The following MNAT1 variants were observed in gnomAD, a reference collection of about 807,000 sequenced individuals.
MNAT1 encodes the protein MNAT1 component of CDK activating kinase.
MNAT1 carries 43 observed loss-of-function variants against 42.0 expected under a neutral mutation model. The ratio of observed to expected loss-of-function variants is 1.02; its 90% confidence interval spans 0.80 to 1.32. The LOEUF is 1.32. Among genes scored for constraint, MNAT1 ranks in the 40% most tolerant of loss-of-function variants. The probability of loss-of-function intolerance (pLI) is 0.00; values close to 1 mark genes in which losing one functional copy is unlikely to be tolerated. For missense variants in MNAT1, 306 were observed against 350.4 expected (o/e 0.87, Z 1.01); for synonymous variants, 118 against 120.0 (o/e 0.98, Z 0.11).
At chr14:60,933,134 C>A (rs2035922730) in intron 7 of MNAT1, among the ~76,000 whole-genome samples, 1 of 151,824 alleles carries the variant, frequency 6.6e-6, no homozygotes, top group South Asian at 2.1e-4. Context: ...ATGGAAGAGC[C>A]TAGAATACTG....
intron 7 of MNAT1, among the ~76,000 whole-genome samples, chr14:60,967,946 T>C (rs2036712534): frequency 6.6e-6 from 1 of 152,136 alleles, no homozygotes; most frequent in Non-Finnish European, 1.5e-5. Context: ...GCTCTGAAAA[T>C]CGTGAAGCAG....
At chr14:60,735,546 C>A (rs1032805505) in intron 1 of MNAT1, among the ~76,000 whole-genome samples, 1 of 152,168 alleles carries the variant, frequency 6.6e-6, no homozygotes, top group Non-Finnish European at 1.5e-5. Context: ...GTGTTCTAAG[C>A]GCCTTACCAT....
chr14:60,836,913 G>A lies in MNAT1; in HGVS notation c.687+18066G>A, dbSNP rs984936753. 3.9e-5 allele frequency among the ~76,000 whole-genome samples: 6 copies of A among 152,202 alleles called. 1 individual carries two copies. Among genetic ancestry groups the A allele is most frequent in the Admixed American group, 3.3e-4 (5 of 15,294 alleles). On this transcript the variant is annotated intron_variant, in intron 6 of 7. Transcript: ENST00000261245. ...CTATAAGCCCCTTACTGGGGCTGCT[G>A]CCTTTCTTTCAGAGATACCCTGCCA...
At chr14:60,809,428 C>T (rs2032477162) in intron 4 of MNAT1, among the ~76,000 whole-genome samples, 1 of 151,998 alleles carries the variant, frequency 6.6e-6, no homozygotes, top group Non-Finnish European at 1.5e-5. Flanking sequence ...CTGAGAGCAT[C>T]AGTATGTCAT....
rs1181549539 is a variant in MNAT1, at chr14:60,887,751, A to C, written c.809+7916A>C. Among the ~76,000 whole-genome samples the C allele has an allele frequency of 2.6e-5, 4 of 152,082 alleles. No homozygotes were observed. The East Asian group carries it at 7.7e-4, about 29-fold the overall frequency. ...GAAGAATCAAATAGATGCAATAAAA[A>C]ATGATAAAGGGGATATCACCACCAA... is the stretch of plus-strand genomic sequence containing the variant. On this transcript the variant is annotated intron_variant, in intron 7 of 7. Coordinates refer to ENST00000261245, the MANE Select transcript of MNAT1 (RefSeq NM_002431.4).
At chr14:60,815,881 T>C (rs1407268309) in intron 5 of MNAT1, among the ~76,000 whole-genome samples, 2 of 152,238 alleles carry the variant, frequency 1.3e-5, no homozygotes, top group Non-Finnish European at 2.9e-5. Context: ...TTTTGTTATG[T>C]TTATTTTTCA....
chr14:60,808,409 A>C lies in MNAT1; in HGVS notation c.401A>C (p.Gln134Pro). 6.4e-7 allele frequency: 1 copy of C among 1,559,756 alleles called. No individual in the cohort carries two copies. The highest frequency in any genetic ancestry group is 8.7e-7 in the Non-Finnish European group (1 of 1,152,830). Residue 134 changes from glutamine to proline, a missense_variant, in exon 4 of 8, where the codon CAG becomes CCG. Physicochemically the swap from Gln to Pro is moderately conservative, Grantham distance 76. Transcript: ENST00000261245. ...IYQKENKDVIQKNKLKLTREQ... is the reference protein window; with the variant it reads ...IYQKENKDVIPKNKLKLTREQ... ...CAAAAGGAAAACAAAGATGTTATTC[A>C]GAAAAATAAATTAAAGCTGGTCGGT...
intron 1 of MNAT1, among the ~76,000 whole-genome samples, chr14:60,748,607 C>A (rs140148784): frequency 6.6e-6 from 1 of 152,184 alleles, no homozygotes; most frequent in Non-Finnish European, 1.5e-5. Flanking sequence ...ATACATTAGC[C>A]TAGACCTACA....
At chr14:60,771,298 G>A (rs905278633) in intron 1 of MNAT1, among the ~76,000 whole-genome samples, 1 of 151,990 alleles carries the variant, frequency 6.6e-6, no homozygotes, top group Admixed American at 6.6e-5. Context: ...GCATTTCCCT[G>A]ATTGTTTCCC....
At chr14:60,758,741 G>A (rs1315063407) in intron 1 of MNAT1, among the ~76,000 whole-genome samples, 1 of 152,076 alleles carries the variant, frequency 6.6e-6, no homozygotes, top group East Asian at 1.9e-4. Context: ...ATTAACAATG[G>A]AGGAAAACAA....
At chr14:60,788,951 A>T (rs1413014333) in intron 1 of MNAT1, among the ~76,000 whole-genome samples, 3 of 152,162 alleles carry the variant, frequency 2.0e-5, no homozygotes, top group Non-Finnish European at 2.9e-5. Context: ...CAGTGCTTTT[A>T]ATTTCCTTCG....
chr14:60,738,525 G>A (rs946432641), intron 1 of MNAT1, among the ~76,000 whole-genome samples: 6 of 151,720 alleles, frequency 4.0e-5, no homozygotes, highest in South Asian at 4.2e-4. Flanking sequence ...AAAGTGCTGG[G>A]ATTACAGGTG....
chr14:60,783,034 T>C (rs1566763728), intron 1 of MNAT1, among the ~76,000 whole-genome samples: 1 of 152,240 alleles, frequency 6.6e-6, no homozygotes, highest in Non-Finnish European at 1.5e-5. Flanking sequence ...TTACTACTTA[T>C]AACAAATCCC....
rs747094225 is a variant in MNAT1, at chr14:60,969,618, T to C, written c.*1269T>C. The C allele has an allele frequency of 3.3e-5, 5 of 152,234 alleles. No homozygotes were observed. Among genetic ancestry groups the C allele is most frequent in the Non-Finnish European group, 5.9e-5 (4 of 68,008 alleles). The allele number at this position is 152,234 out of a possible 1,614,324, so 9.4% of individuals were successfully genotyped here. On this transcript the variant is annotated 3_prime_UTR_variant, in exon 8 of 8. Coordinates refer to ENST00000261245, the MANE Select transcript of MNAT1 (RefSeq NM_002431.4). ...TTTTTTTTTTCAAAGTCCAGTTCCA[T>C]CTACATTCTACCAGACTGCATATCC...
At chr14:60,944,883 CAA>C (rs879286756) in intron 7 of MNAT1, among the ~76,000 whole-genome samples, 1 of 152,100 alleles carries the variant, frequency 6.6e-6, no homozygotes, top group African/African-American at 2.4e-5. Context: ...TGAGAGGACT[CAA>C]AGAGTTTTCA....
intron 7 of MNAT1, among the ~76,000 whole-genome samples, chr14:60,946,685 A>G (rs1042342966): frequency 2.1e-4 from 32 of 152,164 alleles, no homozygotes; most frequent in Admixed American, 1.8e-3. Flanking sequence ...TTTTTTAGGC[A>G]CTTCTTGTAT....
intron 7 of MNAT1, among the ~76,000 whole-genome samples, chr14:60,882,922 A>T (rs8004789): frequency 6.6e-6 from 1 of 152,092 alleles, no homozygotes; most frequent in Non-Finnish European, 1.5e-5. Flanking sequence ...CCCATTTTTA[A>T]GTTGGATTAT....
intron 1 of MNAT1, among the ~76,000 whole-genome samples, chr14:60,793,178 G>GTGT (rs888312458): frequency 6.6e-6 from 1 of 151,020 alleles, no homozygotes; most frequent in Admixed American, 6.6e-5. Flanking sequence ...TAATTTGTTG[G>GTGT]TGTTGTTGTT....
At chr14:60,867,330 G>A (rs1269686739) in intron 6 of MNAT1, among the ~76,000 whole-genome samples, 1 of 151,974 alleles carries the variant, frequency 6.6e-6, no homozygotes, top group African/African-American at 2.4e-5. Flanking sequence ...AAATTTTTGT[G>A]AAAATTGGTA....
Sources: gnomAD v4.1 joint callset for allele counts (sites outside exome capture counted in the v4.1 genomes callset) on GRCh38, gnomAD v4.1.1 for gene constraint, MANE v1.5 for transcripts, NCBI Gene and HGNC (gene_info 2026-07-23, HGNC 2026-07-21) for gene names.